KIAA1549: variants seen among roughly 807,000 people sequenced by gnomAD.
KIAA1549 encodes the protein UPF0606 protein KIAA1549.
In KIAA1549, 70 loss-of-function variants were observed where a neutral mutation model predicts 156.4. The ratio of observed to expected loss-of-function variants is 0.45; its 90% CI spans 0.37 to 0.55. The LOEUF (loss-of-function observed/expected upper bound fraction) is 0.55, where lower values mean the gene tolerates loss of function less well. Ranked by LOEUF, KIAA1549 falls within the 20% of genes least tolerant of loss-of-function variation. The probability of loss-of-function intolerance (pLI) is 0.00; values close to 1 mark genes in which losing one functional copy is unlikely to be tolerated. For missense variants in KIAA1549, 2,428 were observed against 2,540.9 expected (o/e 0.96, Z 0.96); for synonymous variants, 1,103 against 1,066.4 (o/e 1.03, Z -0.67).
intron 19 of KIAA1549, 59 bp from the exon 20 acceptor site, chr7:138,838,219 T>A (rs1563043186): frequency 2.8e-6 from 4 of 1,437,970 alleles, no homozygotes; most frequent in Non-Finnish European, 3.6e-6. Flanking sequence ...AAACATCAAA[T>A]GCAAACTGGC....
chr7:138,931,752 C>CAAAA (rs71169066), intron 1 of KIAA1549, among the ~76,000 whole-genome samples: 21 of 101,334 alleles, frequency 2.1e-4, no homozygotes, highest in African/African-American at 2.6e-4. Flanking sequence ...AGTCCCATCT[C>CAAAA]AAAAAAAAAA....
At position 138,837,353 on chromosome 7, in the gene KIAA1549, T is replaced by C. The variant is rs1270048140; in HGVS notation, c.*553A>G. On this transcript the variant is annotated 3_prime_UTR_variant, in exon 20 of 20. Transcript: ENST00000422774. Reference sequence around the variant, plus strand: ...GTCATCAGGCTCTACAACCTATCATTTGGTTTCTCACTAGTAGCTTTTTAA... The same window carrying C: ...GTCATCAGGCTCTACAACCTATCATCTGGTTTCTCACTAGTAGCTTTTTAA... The C allele has an allele frequency of 8.7e-6, 2 of 228,852 alleles. No individual in the cohort carries two copies. Among genetic ancestry groups the C allele is most frequent in the African/African-American group, 2.2e-5 (1 of 45,104 alleles). The allele number at this position is 228,852 out of a possible 1,614,324, so 14.2% of individuals were successfully genotyped here.
chr7:138,879,389 A>C, intron 12 of KIAA1549, 149 bp downstream of exon 12: 1 of 592,546 alleles, frequency 1.7e-6, no homozygotes, highest in South Asian at 2.1e-5. Context: ...AGATGGTGAC[A>C]ACTGGTGCTA....
chr7:138,969,340 C>T (rs1050188149), intron 1 of KIAA1549, among the ~76,000 whole-genome samples: 63 of 152,212 alleles, frequency 4.1e-4, no homozygotes, highest in African/African-American at 1.4e-3. Flanking sequence ...GTCTCCATGG[C>T]TTTGACTACT....
chr7:138,867,383 C>A (rs1584715401), intron 15 of KIAA1549, among the ~76,000 whole-genome samples: 1 of 151,626 alleles, frequency 6.6e-6, no homozygotes, highest in African/African-American at 2.4e-5. Context: ...GCTGAGACCC[C>A]ATCTCTACAA....
At position 138,909,009 on chromosome 7, in the gene KIAA1549, C is replaced by A. The variant is rs551289013; in HGVS notation, c.3258G>T (p.Thr1086=). ...LFEVRKHHQG[T]YNLTVQILNI... ...TTCTCACCTGCACCGTGAGGTTATA[C>A]GTTCCCTGGTGGTGTTTTCTCACTT... Residue 1086 remains threonine (T), a synonymous_variant, in exon 5 of 20, where the codon ACG becomes ACT. Transcript: ENST00000422774. 1.7e-5 allele frequency: 27 copies of A among 1,614,028 alleles called. No homozygotes were observed. The East Asian group carries it at 5.6e-4, about 33-fold the overall frequency.
At chr7:138,925,400 G>A (rs1457848834) in intron 1 of KIAA1549, among the ~76,000 whole-genome samples, 3 of 152,210 alleles carry the variant, frequency 2.0e-5, no homozygotes, top group Middle Eastern at 3.4e-3. Flanking sequence ...AATAGCACCC[G>A]CAGGGCCAAC....
chr7:138,981,181 C>G lies in KIAA1549; in HGVS notation c.89G>C (p.Arg30Pro). 8.9e-7 allele frequency: 1 copy of G among 1,124,674 alleles called. No individual in the cohort carries two copies. The allele number at this position is 1,124,674 out of a possible 1,614,324, so 69.7% of individuals were successfully genotyped here. Residue 30 changes from arginine to proline, a missense_variant, in exon 1 of 20, where the codon CGA (arginine) becomes CCA (proline). This residue lies in a region of KIAA1549 where 893 missense variants were observed against 847.9 expected (regional missense o/e 1.05). Coordinates refer to ENST00000422774, the MANE Select transcript of KIAA1549 (RefSeq NM_001164665.2). The surrounding 1 kb of genome is among the most constrained non-coding windows in gnomAD (Gnocchi z 4.5). ...GCGGGCGCAGCGGGCGGAAGGCCGTCGGCCGCTCGGCCCCGGGGCCAGCGC... is the reference window on the plus strand; with the variant it reads ...GCGGGCGCAGCGGGCGGAAGGCCGTGGGCCGCTCGGCCCCGGGGCCAGCGC... ...GVALAPGPSG[R>P]RPSARCARRR...
chr7:138,943,863 C>CA (rs367938533), intron 1 of KIAA1549, among the ~76,000 whole-genome samples: 8,354 of 145,888 alleles, frequency 0.057, 354 homozygotes, highest in African/African-American at 0.12. Flanking sequence ...AAAAACAAAA[C>CA]AAAAAAAAAA....
intron 1 of KIAA1549, among the ~76,000 whole-genome samples, chr7:138,970,878 C>T (rs952351953): frequency 2.6e-5 from 4 of 152,180 alleles, no homozygotes; most frequent in African/African-American, 4.8e-5. Context: ...TCAGACTGTC[C>T]GGCTCCACAA....
At position 138,916,835 on chromosome 7, in the gene KIAA1549, C is replaced by T; in HGVS notation, c.2791G>A (p.Ala931Thr). 2 of 1,613,970 alleles carry T rather than the reference C, an allele frequency of 1.2e-6. No homozygotes were observed. The highest frequency in any genetic ancestry group is 1.7e-6 in the Non-Finnish European group (2 of 1,179,886). The change falls in exon 2 of 20, where the codon GCA becomes ACA. Residue 931 changes from alanine (A) to threonine (T), a missense_variant. Physicochemically the swap from Ala to Thr is moderately conservative, Grantham distance 58. Around this residue, in one of 5 missense-constraint regions of KIAA1549, gnomAD observed 762 missense variants for 901.6 expected, o/e 0.85. Transcript: ENST00000422774. ...LRPVTAFTLE[A>T]TVDTPTLATA... The stretch of plus-strand genomic sequence containing the variant: ...GCCAGTGTTGGTGTGTCGACTGTTG[C>T]TTCGAGAGTGAAGGCAGTCACGGGA...
chr7:138,916,523 G>A (rs565168755), intron 2 of KIAA1549, among the ~76,000 whole-genome samples: 1 of 152,342 alleles, frequency 6.6e-6, no homozygotes, highest in South Asian at 2.1e-4. Flanking sequence ...AATGAAGCAG[G>A]TTTAACTAAG....
Position 138,955,649 on chromosome 7 carries a change from C to T in KIAA1549, c.187+25434G>A, listed in dbSNP as rs775910028. The stretch of plus-strand genomic sequence containing the variant: ...GCAAATTGTATACATAGCATGATCC[C>T]ATTTTATGAAAAAAGTAAAGTCTCA... On this transcript the variant is annotated intron_variant, in intron 1 of 19. Coordinates refer to ENST00000422774, the MANE Select transcript of KIAA1549 (RefSeq NM_001164665.2). Among the ~76,000 whole-genome samples, 15 of 152,026 alleles carry T rather than the reference C, an allele frequency of 9.9e-5. 1 individual carries two copies. The highest frequency in any genetic ancestry group is 5.2e-4 in the Admixed American group (8 of 15,268).
At chr7:138,961,008 T>C (rs544775690) in intron 1 of KIAA1549, among the ~76,000 whole-genome samples, 1 of 152,350 alleles carries the variant, frequency 6.6e-6, no homozygotes, top group Admixed American at 6.5e-5. Flanking sequence ...CCTCTCCCTG[T>C]GCAGTTCTGA....
intron 17 of KIAA1549, 126 bp from the exon 18 acceptor site, chr7:138,844,600 CTGGA>C: frequency 8.0e-6 from 7 of 872,872 alleles, no homozygotes; most frequent in Non-Finnish European, 1.1e-5. Context: ...ATCTCCTCTC[CTGGA>C]AGGGGAAGAG....
intron 7 of KIAA1549, 116 bp from the exon 8 acceptor site, chr7:138,903,852 T>TGTGCGCGCGC (rs1299779818): frequency 3.6e-6 from 1 of 276,078 alleles, no homozygotes; most frequent in African/African-American, 3.6e-5. Flanking sequence ...TGTGTGTGTG[T>TGTGCGCGCGC]GCGCGCGCGC....
chr7:138,853,557 T>C (rs977644024), intron 16 of KIAA1549, among the ~76,000 whole-genome samples: 8 of 152,150 alleles, frequency 5.3e-5, no homozygotes, highest in African/African-American at 1.9e-4. Context: ...CCTATTCCTT[T>C]ATGCCAAGAG....
Position 138,917,568 on chromosome 7 carries a change from G to A in KIAA1549, c.2058C>T (p.Pro686=), listed in dbSNP as rs760618764. 6.2e-7 allele frequency: 1 copy of A among 1,613,862 alleles called. No homozygotes were observed. The highest frequency in any genetic ancestry group is 8.5e-7 in the Non-Finnish European group (1 of 1,179,878). ...SDLQSSQLSL[P]SSTNLEFSQL... ...GCGAAAACTCAAGATTTGTGGAACT[G>A]GGAAGAGACAGCTGAGATGACTGCA... Residue 686 remains proline (P), a synonymous_variant, in exon 2 of 20, where the codon CCC becomes CCT. Transcript: ENST00000422774.
chr7:138,886,943 C>G (rs906414271), intron 10 of KIAA1549, among the ~76,000 whole-genome samples: 8 of 151,724 alleles, frequency 5.3e-5, no homozygotes, highest in Non-Finnish European at 2.9e-5. Context: ...ACTCTGTTGC[C>G]CAGGCTGGAA....
Sources: gnomAD v4.1 joint callset for allele counts (sites outside exome capture counted in the v4.1 genomes callset) on GRCh38, gnomAD v4.1.1 for gene constraint, gnomAD v4.1.1 regional missense constraint, Gnocchi (gnomAD v3.1) non-coding constraint, MANE v1.5 for transcripts, NCBI Gene and HGNC (gene_info 2026-07-23, HGNC 2026-07-21) for gene names.